GRAMD1B: variants seen among roughly 807,000 people sequenced by gnomAD.
GRAMD1B encodes the protein protein Aster-B.
Under a neutral mutation model 99.7 loss-of-function variants are expected in GRAMD1B, and 37 were observed. That is an observed-to-expected ratio of 0.37 (90% CI 0.29 to 0.49). The LOEUF is 0.49. GRAMD1B is among the 20% of genes least tolerant of loss of function. The pLI is 0.98. For synonymous variants in GRAMD1B, 427 were observed against 387.6 expected (o/e 1.10, Z -1.19); for missense variants, 888 against 1,009.2 (o/e 0.88, Z 1.63).
rs1940908971 is a variant in GRAMD1B at position 123,510,726 on chromosome 11, T to C, written c.452+29833T>C. On this transcript the variant is annotated intron_variant, in intron 2 of 19. Coordinates refer to ENST00000635736, the MANE Select transcript of GRAMD1B (RefSeq NM_001387025.1). This position sits in a 1 kb window ranked among gnomAD's most constrained non-coding sequence, Gnocchi z 4.3. ...GATGGAAATGCTGCCGGCCGCACTGTGCGTAAGTGGCTTCGCTTGGCGAGT... is the reference window on the plus strand; with the variant it reads ...GATGGAAATGCTGCCGGCCGCACTGCGCGTAAGTGGCTTCGCTTGGCGAGT... Among the ~76,000 whole-genome samples the C allele has an allele frequency of 6.6e-6, 1 of 152,184 alleles. No homozygotes were observed.
intron 1 of GRAMD1B, among the ~76,000 whole-genome samples, chr11:123,363,588 T>G (rs10893029): frequency 0.18 from 26,976 of 151,942 alleles, 2,583 homozygotes; most frequent in African/African-American, 0.25. Flanking sequence ...TTGTTTGTTT[T>G]TTTTTGGCAC....
intron 2 of GRAMD1B, among the ~76,000 whole-genome samples, chr11:123,481,332 C>T (rs964766934): frequency 6.6e-6 from 1 of 152,104 alleles, no homozygotes; most frequent in Admixed American, 6.6e-5. Context: ...GCATGTGCCT[C>T]TAATTCCAGC....
intron 1 of GRAMD1B, among the ~76,000 whole-genome samples, chr11:123,436,408 A>T (rs150976764): frequency 3.8e-3 from 572 of 152,322 alleles, no homozygotes; most frequent in Middle Eastern, 6.8e-3. Context: ...ACCAAATGTG[A>T]TCTTGTTGAG....
chr11:123,382,777 G>A (rs1394992402), intron 1 of GRAMD1B, among the ~76,000 whole-genome samples: 1 of 152,146 alleles, frequency 6.6e-6, no homozygotes, highest in Non-Finnish European at 1.5e-5. Flanking sequence ...TATCAGCAAA[G>A]GATAAATGGA....
Position 123,492,469 on chromosome 11 carries a change from G to A in GRAMD1B, c.452+11576G>A, listed in dbSNP as rs1004334676. On this transcript the variant is annotated intron_variant, in intron 2 of 19. Coordinates refer to ENST00000635736, the MANE Select transcript of GRAMD1B (RefSeq NM_001387025.1). This position sits in a 1 kb window ranked among gnomAD's most constrained non-coding sequence, Gnocchi z 4.2. ...TATTTGAGCATGCATCAGATGTGGG[G>A]TGCTTTTTCCTAAAACAGCCCCCAT... Among the ~76,000 whole-genome samples the A allele has an allele frequency of 7.2e-5, 11 of 152,114 alleles. No homozygotes were observed. The highest frequency in any genetic ancestry group is 2.2e-4 in the African/African-American group (9 of 41,410).
chr11:123,432,930 G>C (rs1244401797), intron 1 of GRAMD1B, among the ~76,000 whole-genome samples: 2 of 152,176 alleles, frequency 1.3e-5, no homozygotes, highest in South Asian at 4.1e-4. Context: ...TGCAGATACA[G>C]AGCTTTGTTC....
intron 1 of GRAMD1B, among the ~76,000 whole-genome samples, chr11:123,397,512 A>G (rs1245098427): frequency 6.6e-6 from 1 of 152,160 alleles, no homozygotes; most frequent in Non-Finnish European, 1.5e-5. Context: ...CTTATTCTAG[A>G]TTAAAAAAAT....
Position 123,618,786 on chromosome 11 carries a change from A to G in GRAMD1B, c.2412A>G (p.Leu804=), listed in dbSNP as rs1186939233. ...TTQTLTAWQG[L]RLQERLPQSQ... is the part of the protein sequence containing the mutation. Reference sequence around the variant, plus strand: ...AGACCCTCACTGCCTGGCAGGGTCTAAGGCTCCAAGAAAGGTAATCCTGGC... The same window carrying G: ...AGACCCTCACTGCCTGGCAGGGTCTGAGGCTCCAAGAAAGGTAATCCTGGC... Residue 804 remains leucine (L), a synonymous_variant, in exon 18 of 20, where the codon CTA becomes CTG. Transcript: ENST00000635736. 2 of 1,543,688 alleles carry G rather than the reference A, an allele frequency of 1.3e-6. No individual in the cohort carries two copies. The highest frequency in any genetic ancestry group is 8.8e-7 in the Non-Finnish European group (1 of 1,131,498).
intron 2 of GRAMD1B, among the ~76,000 whole-genome samples, chr11:123,488,695 T>C (rs571069300): frequency 1.4e-5 from 2 of 139,528 alleles, no homozygotes; most frequent in Non-Finnish European, 3.3e-5. Context: ...TGCCACCCCA[T>C]GGCCCTGACT....
chr11:123,519,448 T>C (rs1242867591), intron 2 of GRAMD1B, among the ~76,000 whole-genome samples: 1 of 152,152 alleles, frequency 6.6e-6, no homozygotes, highest in African/African-American at 2.4e-5. Flanking sequence ...GTTGTGGAAA[T>C]GGAGTGTTTA....
rs370983834 is a variant in GRAMD1B, at chr11:123,462,096, A to T, written c.375-18720A>T. 1.1e-4 allele frequency among the ~76,000 whole-genome samples: 16 copies of T among 151,458 alleles called. No homozygotes were observed. The East Asian group carries it at 2.9e-3, about 28-fold the overall frequency. ...ATTCTCCTGCCTCAGCCTCCCGAGT[A>T]GCTGGGACCACAGGCGCCCGCCACC... On this transcript the variant is annotated intron_variant, in intron 1 of 19. Coordinates refer to ENST00000635736, the MANE Select transcript of GRAMD1B (RefSeq NM_001387025.1).
intron 2 of GRAMD1B, among the ~76,000 whole-genome samples, chr11:123,527,334 T>C (rs548099863): frequency 6.6e-6 from 1 of 152,224 alleles, no homozygotes; most frequent in South Asian, 2.1e-4. Flanking sequence ...CCTGAGAGAA[T>C]GTCTAGTCCA....
chr11:123,419,487 C>T (rs923408036), intron 1 of GRAMD1B, among the ~76,000 whole-genome samples: 3 of 152,026 alleles, frequency 2.0e-5, no homozygotes, highest in Admixed American at 6.6e-5. Context: ...AAAAATTAGC[C>T]GGCTGTGGTG....
At chr11:123,406,274 G>A (rs558326738) in intron 1 of GRAMD1B, among the ~76,000 whole-genome samples, 33 of 148,680 alleles carry the variant, frequency 2.2e-4, no homozygotes, top group African/African-American at 7.4e-4. Context: ...TTTTTTTTGA[G>A]ACGGAGTCTC....
intron 1 of GRAMD1B, among the ~76,000 whole-genome samples, chr11:123,466,374 A>AG (rs1565522323): frequency 1.5e-5 from 2 of 130,656 alleles, no homozygotes; most frequent in African/African-American, 5.4e-5. Flanking sequence ...AGGAAAAAGA[A>AG]AGAGAGAGAG....
intron 1 of GRAMD1B, among the ~76,000 whole-genome samples, chr11:123,422,401 C>A (rs1948475774): frequency 6.6e-6 from 1 of 152,164 alleles, no homozygotes; most frequent in Non-Finnish European, 1.5e-5. Flanking sequence ...GAATGGTTGT[C>A]CAGAGCTGGA....
chr11:123,452,059 C>T (rs570782714), intron 1 of GRAMD1B, among the ~76,000 whole-genome samples: 29 of 152,220 alleles, frequency 1.9e-4, no homozygotes, highest in Admixed American at 6.5e-4. Flanking sequence ...GTCTTGAACT[C>T]CCAGCCTCAA....
intron 2 of GRAMD1B, among the ~76,000 whole-genome samples, chr11:123,503,694 G>A (rs1940130153): frequency 1.3e-5 from 2 of 151,990 alleles, no homozygotes; most frequent in Non-Finnish European, 2.9e-5. Context: ...GGACAGGCAT[G>A]CGCCACCACA....
intron 2 of GRAMD1B, among the ~76,000 whole-genome samples, chr11:123,545,786 G>A (rs1944994556): frequency 6.6e-6 from 1 of 152,064 alleles, no homozygotes; most frequent in South Asian, 2.1e-4. Context: ...CATCTAAGTT[G>A]GAGATCACAA....
Sources: allele counts gnomAD v4.1 joint callset (sites outside exome capture counted in the v4.1 genomes callset), GRCh38; gene constraint gnomAD v4.1.1; non-coding constraint Gnocchi (gnomAD v3.1); transcripts MANE v1.5; gene names NCBI Gene and HGNC (gene_info 2026-07-23, HGNC 2026-07-21).